KCNQ2: variants seen among roughly 807,000 people sequenced by gnomAD.
KCNQ2 encodes potassium voltage-gated channel subfamily Q member 2, also known as potassium voltage-gated channel subfamily KQT member 2.
In KCNQ2, 14 loss-of-function variants were observed where a neutral mutation model predicts 84.8. The observed-to-expected ratio is 0.17, with a 90% confidence interval of 0.11 to 0.26. The LOEUF (loss-of-function observed/expected upper bound fraction) is 0.26. KCNQ2 is among the 10% of genes least tolerant of loss of function. The pLI, the probability that KCNQ2 is intolerant of heterozygous loss-of-function variation, is 1.00. For synonymous variants in KCNQ2, 599 were observed against 554.1 expected, an observed-to-expected ratio of 1.08 and a Z score of -1.14; for missense variants, 788 against 1,254.0, an observed-to-expected ratio of 0.63 and a Z score of 5.61.
chr20:63,411,908 C>T, intron 15 of KCNQ2: 1 of 713,352 alleles, frequency 1.4e-6, no homozygotes, highest in Non-Finnish European at 2.6e-6. Flanking sequence ...AGAAAAGAGA[C>T]ACCGGCGAAA....
chr20:63,426,326 C>T (rs750503427), intron 10 of KCNQ2, among the ~76,000 whole-genome samples: 2 of 152,192 alleles, frequency 1.3e-5, no homozygotes, highest in Admixed American at 6.5e-5. Context: ...AGGCTGCAGC[C>T]GCACACCTGG....
At chr20:63,433,035 G>C (rs575167520) in intron 8 of KCNQ2, among the ~76,000 whole-genome samples, 1 of 152,310 alleles carries the variant, frequency 6.6e-6, no homozygotes, top group African/African-American at 2.4e-5. Context: ...AGACGGACTC[G>C]AGGGGTCAGG....
At chr20:63,450,579 G>GGAGGGGGAAGACC (rs2081584269) in intron 1 of KCNQ2, among the ~76,000 whole-genome samples, 1 of 151,226 alleles carries the variant, frequency 6.6e-6, no homozygotes, top group Non-Finnish European at 1.5e-5. Flanking sequence ...CCTGCTGGGG[G>GGAGGGGGAAGACC]TGGGGGAAGC....
intron 1 of KCNQ2, among the ~76,000 whole-genome samples, chr20:63,457,963 T>C (rs2081848138): frequency 6.6e-6 from 1 of 151,988 alleles, no homozygotes; most frequent in Admixed American, 6.5e-5. Flanking sequence ...TCCGCAGGGC[T>C]CATTTGTTCT....
At chr20:63,442,298 G>A (rs2081183616) in intron 5 of KCNQ2, 108 bp downstream of exon 5, 7 of 1,550,776 alleles carry the variant, frequency 4.5e-6, no homozygotes, top group South Asian at 4.5e-5. Context: ...CCAGCAGGTG[G>A]CCCCAAAGAG....
chr20:63,471,695 C>T (rs2082219132), intron 1 of KCNQ2: 1 of 155,790 alleles, frequency 6.4e-6, no homozygotes, highest in African/African-American at 2.4e-5. Flanking sequence ...AGAAGCTCAC[C>T]CTAGTCTGAG....
chr20:63,415,607 C>T (rs1459307118), intron 12 of KCNQ2, among the ~76,000 whole-genome samples: 6 of 152,068 alleles, frequency 3.9e-5, no homozygotes, highest in Admixed American at 6.5e-5. Context: ...CTGGCTCAGG[C>T]GTGGCCAGAG....
intron 12 of KCNQ2, among the ~76,000 whole-genome samples, chr20:63,418,671 G>A (rs1045289747): frequency 5.9e-5 from 9 of 152,160 alleles, no homozygotes; most frequent in African/African-American, 1.7e-4. Flanking sequence ...AGCTGCTAGC[G>A]CCCCAGCAGG....
chr20:63,439,928 G>C, intron 5 of KCNQ2: 4 of 620,412 alleles, frequency 6.4e-6, no homozygotes, highest in Non-Finnish European at 2.9e-6. Context: ...GCGGGGTCCA[G>C]CCAAAGGCTG....
intron 1 of KCNQ2, among the ~76,000 whole-genome samples, chr20:63,470,147 C>A (rs1470190132): frequency 6.6e-6 from 1 of 152,356 alleles, no homozygotes; most frequent in South Asian, 2.1e-4. Flanking sequence ...CCAGCCCCGC[C>A]GCTTAGAAAA....
At chr20:63,413,652 A>C in intron 14 of KCNQ2, 71 bp from the exon 15 acceptor site, 1 of 1,574,244 alleles carries the variant, frequency 6.4e-7, no homozygotes, top group Non-Finnish European at 8.7e-7. Context: ...GGACCTTCCT[A>C]GCACCTCTGA....
chr20:63,415,081 G>T lies in KCNQ2; in HGVS notation c.1347C>A (p.Gly449=), dbSNP rs771845478. The T allele has an allele frequency of 6.2e-7, 1 of 1,605,116 alleles. No homozygotes were observed. The change falls in exon 13 of 17, where the codon GGC becomes GGA. Residue 449 remains glycine, a synonymous_variant. Transcript: ENST00000359125. ...GGGACCCCTTCCCCTTGGCAGCCACGCCTCGGGGGCTGGAGAAGACACGAT... is the reference window on the plus strand; with the variant it reads ...GGGACCCCTTCCCCTTGGCAGCCACTCCTCGGGGGCTGGAGAAGACACGAT... ...LKDRVFSSPR[G]VAAKGKGSPQ...
chr20:63,455,173 G>A (rs766216572), intron 1 of KCNQ2, among the ~76,000 whole-genome samples: 3 of 152,232 alleles, frequency 2.0e-5, no homozygotes, highest in Non-Finnish European at 4.4e-5. Flanking sequence ...GACGATGGGA[G>A]GACCGAGCAG....
In KCNQ2 at chr20:63,472,505, C is replaced by T. The variant is rs577705653; in HGVS notation, c.-42G>A. 54 of 1,389,770 alleles carry T rather than the reference C, an allele frequency of 3.9e-5. No homozygotes were observed. The African/African-American group carries it at 7.9e-4, about 20-fold the overall frequency. 86.1% of individuals were successfully genotyped at this position (1,389,770 alleles called of 1,614,324 possible). On this transcript the variant is annotated 5_prime_UTR_variant, in exon 1 of 17. Coordinates refer to ENST00000359125, the MANE Select transcript of KCNQ2 (RefSeq NM_172107.4). ...CGCCCCGGGTCGGGCTCAGGCTCAGCGGGGGCGGAGCGCGGGGGGCGGCGC... is the reference window on the plus strand; with the variant it reads ...CGCCCCGGGTCGGGCTCAGGCTCAGTGGGGGCGGAGCGCGGGGGGCGGCGC...
At chr20:63,413,114 G>A (rs777121736) in intron 15 of KCNQ2, among the ~76,000 whole-genome samples, 29 of 152,132 alleles carry the variant, frequency 1.9e-4, no homozygotes, top group African/African-American at 6.0e-4. Flanking sequence ...AGAGCCACAC[G>A]TGCATACAAC....
chr20:63,468,054 G>A (rs777752690), intron 1 of KCNQ2, among the ~76,000 whole-genome samples: 12 of 152,178 alleles, frequency 7.9e-5, no homozygotes, highest in Non-Finnish European at 1.3e-4. Context: ...GCAGCATCAT[G>A]TACAATGTCT....
At position 63,400,727 on chromosome 20, in the gene KCNQ2, C is replaced by T. The variant is rs1216730589; in HGVS notation, c.*5917G>A. 1.3e-5 allele frequency: 5 copies of T among 398,412 alleles called. No homozygotes were observed. Among genetic ancestry groups the T allele is most frequent in the Non-Finnish European group, 2.2e-5 (5 of 226,018 alleles). 24.7% of individuals were successfully genotyped at this position (398,412 alleles called of 1,614,324 possible). ...CGCGGGCATGGCGGGCACACGTGGG[C>T]CGTGTGGATCCCGGGCAGAGGGATG... On this transcript the variant is annotated 3_prime_UTR_variant, in exon 17 of 17. Coordinates refer to ENST00000359125, the MANE Select transcript of KCNQ2 (RefSeq NM_172107.4). This position sits in a 1 kb window ranked among gnomAD's most constrained non-coding sequence, Gnocchi z 8.7.
At chr20:63,410,587 G>T (rs540888471) in intron 15 of KCNQ2, among the ~76,000 whole-genome samples, 1 of 152,142 alleles carries the variant, frequency 6.6e-6, no homozygotes, top group African/African-American at 2.4e-5. Flanking sequence ...ACAGAGCAGG[G>T]AACCCGGCAA....
intron 1 of KCNQ2, chr20:63,459,961 T>G (rs184917924): frequency 2.0e-5 from 3 of 152,244 alleles, no homozygotes; most frequent in Non-Finnish European, 4.4e-5. Flanking sequence ...GTTGTCTCGG[T>G]AGGAAGGCTG....
Sources: allele counts gnomAD v4.1 joint callset (sites outside exome capture counted in the v4.1 genomes callset), GRCh38; gene constraint gnomAD v4.1.1; non-coding constraint Gnocchi (gnomAD v3.1); transcripts MANE v1.5; gene names NCBI Gene and HGNC (gene_info 2026-07-23, HGNC 2026-07-21).